The following STK3 variants were observed in gnomAD, a reference collection of about 807,000 sequenced individuals.
STK3 encodes the protein serine/threonine kinase 3.
In STK3, 41 loss-of-function variants were observed where a neutral mutation model predicts 58.0. The ratio of observed to expected loss-of-function variants is 0.71; its 90% confidence interval spans 0.55 to 0.92. The LOEUF (loss-of-function observed/expected upper bound fraction) is 0.92. Ranked by LOEUF, STK3 falls within the 40% of genes least tolerant of loss-of-function variation. STK3 has a pLI of 0.00. For synonymous variants in STK3, 170 were observed against 191.0 expected (o/e 0.89, Z 0.91); for missense variants, 479 against 602.7 (o/e 0.79, Z 2.15).
intron 3 of STK3, among the ~76,000 whole-genome samples, chr8:98,876,549 G>A (rs1341687273): frequency 6.6e-6 from 1 of 152,160 alleles, no homozygotes; most frequent in African/African-American, 2.4e-5. Context: ...AGGCAAGAGA[G>A]GCAGAGAGGC....
intron 7 of STK3, chr8:98,595,815 T>C (rs1815772525): frequency 2.3e-6 from 1 of 432,636 alleles, no homozygotes. Flanking sequence ...AAAGATTCCT[T>C]TCTGAAAGGA....
At chr8:98,353,450 C>G in the STK3 span, among the ~76,000 whole-genome samples, 1 of 152,162 alleles carries the variant, frequency 6.6e-6, no homozygotes, top group East Asian at 1.9e-4. Context: ...GTCATTGCAC[C>G]ACTGCACTCC....
At chr8:98,658,640 T>C (rs1211637740) in intron 6 of STK3, among the ~76,000 whole-genome samples, 1 of 152,062 alleles carries the variant, frequency 6.6e-6, no homozygotes, top group African/African-American at 2.4e-5. Flanking sequence ...GTCTCTTTTT[T>C]CCTTTCAATC....
chr8:98,739,278 GC>G (rs1347901371), intron 4 of STK3, among the ~76,000 whole-genome samples: 4 of 152,226 alleles, frequency 2.6e-5, no homozygotes, highest in Admixed American at 6.5e-5. Context: ...CTGAGAACGG[GC>G]AGACTGCCTC....
At chr8:98,761,247 C>T (rs1255170339) in intron 3 of STK3, among the ~76,000 whole-genome samples, 1 of 151,850 alleles carries the variant, frequency 6.6e-6, no homozygotes, top group Non-Finnish European at 1.5e-5. Context: ...ACCTCAGCCT[C>T]CCAAGTAGCT....
chr8:98,711,831 G>A (rs1826479825), intron 4 of STK3, among the ~76,000 whole-genome samples: 1 of 152,154 alleles, frequency 6.6e-6, no homozygotes, highest in South Asian at 2.1e-4. Context: ...ACACATAATT[G>A]TCAGATTCAC....
intron 9 of STK3, among the ~76,000 whole-genome samples, chr8:98,546,417 G>A (rs1439077980): frequency 6.6e-6 from 1 of 151,994 alleles, no homozygotes; most frequent in African/African-American, 2.4e-5. Flanking sequence ...TCAACTATAT[G>A]ACTGCATGAA....
At chr8:98,748,660 G>A (rs1829785429) in intron 4 of STK3, among the ~76,000 whole-genome samples, 1 of 151,870 alleles carries the variant, frequency 6.6e-6, no homozygotes, top group Non-Finnish European at 1.5e-5. Context: ...AAATAAACTA[G>A]ATGTATTACT....
At chr8:98,456,022 C>G (rs1456929176) in intron 10 of STK3, 22 bp from the exon 11 acceptor site, 4 of 1,581,994 alleles carry the variant, frequency 2.5e-6, no homozygotes, top group Middle Eastern at 1.7e-4. Flanking sequence ...AAGAAAGATA[C>G]CAATACAATG....
At chr8:98,898,750 T>C (rs1838548715) in intron 1 of STK3, among the ~76,000 whole-genome samples, 1 of 152,212 alleles carries the variant, frequency 6.6e-6, no homozygotes, top group African/African-American at 2.4e-5. Context: ...AAAGACTTTT[T>C]GGGATCCAGA....
intron 3 of STK3, among the ~76,000 whole-genome samples, chr8:98,764,322 C>G (rs1481506469): frequency 6.6e-6 from 1 of 152,202 alleles, no homozygotes; most frequent in Admixed American, 6.5e-5. Flanking sequence ...ATCTGTAATG[C>G]TCTTCCTTGT....
intron 6 of STK3, chr8:98,633,676 T>G: frequency 1.4e-6 from 1 of 699,560 alleles, no homozygotes; most frequent in South Asian, 1.5e-5. Flanking sequence ...AAACTCTTTA[T>G]GTACAAGGTT....
intron 6 of STK3, among the ~76,000 whole-genome samples, chr8:98,702,257 A>G (rs1046803707): frequency 2.6e-5 from 4 of 152,364 alleles, no homozygotes; most frequent in Non-Finnish European, 5.9e-5. Flanking sequence ...GATAAAAGAA[A>G]TAATCAATCT....
At chr8:98,638,578 T>C (rs180950029) in intron 6 of STK3, 5 of 152,310 alleles carry the variant, frequency 3.3e-5, no homozygotes, top group African/African-American at 1.2e-4. Context: ...AGAATGGGAA[T>C]AGAAAGGACT....
At chr8:98,633,205 A>G (rs1213299507) in intron 6 of STK3, among the ~76,000 whole-genome samples, 2 of 152,182 alleles carry the variant, frequency 1.3e-5, no homozygotes, top group Non-Finnish European at 2.9e-5. Context: ...ATAAAGTAAC[A>G]CTTAGAAGAA....
intron 10 of STK3, among the ~76,000 whole-genome samples, chr8:98,512,534 A>G (rs1824599669): frequency 6.6e-6 from 1 of 152,208 alleles, no homozygotes; most frequent in South Asian, 2.1e-4. Context: ...ACTTAATAAA[A>G]TATTTGTATG....
chr8:98,916,060 C>G (rs1173766413), intron 1 of STK3, among the ~76,000 whole-genome samples: 1 of 152,022 alleles, frequency 6.6e-6, no homozygotes, highest in Non-Finnish European at 1.5e-5. Flanking sequence ...CATAACCCTG[C>G]AAAAGCTAAG....
At chr8:98,714,506 A>G (rs939733681) in intron 4 of STK3, among the ~76,000 whole-genome samples, 1 of 152,254 alleles carries the variant, frequency 6.6e-6, no homozygotes, top group Non-Finnish European at 1.5e-5. Context: ...ACAGAGAGAC[A>G]AATCATGAGT....
At chr8:98,815,843 C>G (rs1295408231) in intron 1 of STK3, among the ~76,000 whole-genome samples, 1 of 152,102 alleles carries the variant, frequency 6.6e-6, no homozygotes, top group Non-Finnish European at 1.5e-5. Flanking sequence ...TAAAAACATT[C>G]CAATTAATAA....
Sources: allele counts gnomAD v4.1 joint callset (sites outside exome capture counted in the v4.1 genomes callset), GRCh38; gene constraint gnomAD v4.1.1; transcripts MANE v1.5; gene names NCBI Gene and HGNC (gene_info 2026-07-23, HGNC 2026-07-21).